NEGR1: variants seen among roughly 807,000 people sequenced by gnomAD.
The protein encoded by NEGR1 is neuronal growth regulator 1, also known as IgLON family member 4.
A neutral mutation model predicts 40.9 loss-of-function variants in NEGR1; 10 were observed. The observed-to-expected ratio is 0.24, with a 90% confidence interval of 0.15 to 0.42. The LOEUF (loss-of-function observed/expected upper bound fraction) is 0.42. Among genes scored for constraint, NEGR1 ranks in the 10% least tolerant of loss-of-function variants. NEGR1 has a pLI of 1.00. For missense variants in NEGR1, 352 were observed against 438.9 expected (o/e 0.80, Z 1.77); for synonymous variants, 185 against 166.8 (o/e 1.11, Z -0.84).
chr1:71,929,974 G>T (rs563088184), intron 2 of NEGR1, among the ~76,000 whole-genome samples: 1 of 152,012 alleles, frequency 6.6e-6, no homozygotes, highest in Non-Finnish European at 1.5e-5. Flanking sequence ...ATAATCATTG[G>T]TAAGTATAAC....
chr1:71,787,442 T>C (rs76539429), intron 2 of NEGR1, among the ~76,000 whole-genome samples: 3,013 of 152,274 alleles, frequency 0.02, 37 homozygotes, highest in Admixed American at 0.037. Flanking sequence ...TACATACATA[T>C]TGTGATTGAT....
intron 3 of NEGR1, among the ~76,000 whole-genome samples, chr1:71,761,198 G>A (rs764284659): frequency 2.0e-5 from 3 of 152,088 alleles, no homozygotes; most frequent in Non-Finnish European, 4.4e-5. Context: ...ATTTTTTAAA[G>A]GACCTGATGG....
chr1:71,745,991 C>A (rs968906208), intron 3 of NEGR1, among the ~76,000 whole-genome samples: 2 of 152,164 alleles, frequency 1.3e-5, no homozygotes, highest in African/African-American at 2.4e-5. Flanking sequence ...CTAAACAGAC[C>A]TTGCTGAGTT....
intron 2 of NEGR1, among the ~76,000 whole-genome samples, chr1:71,870,300 A>C (rs1268808233): frequency 6.6e-6 from 1 of 152,208 alleles, no homozygotes; most frequent in African/African-American, 2.4e-5. Context: ...AAGACCTGCT[A>C]CAAAAAGCTA....
At chr1:71,895,573 C>G (rs1660948822) in intron 2 of NEGR1, among the ~76,000 whole-genome samples, 1 of 139,326 alleles carries the variant, frequency 7.2e-6, no homozygotes, top group Non-Finnish European at 1.6e-5. Flanking sequence ...TGCCTGGCTT[C>G]TTTCACTTAG....
At chr1:72,170,394 G>C (rs1651918140) in intron 1 of NEGR1, among the ~76,000 whole-genome samples, 1 of 151,914 alleles carries the variant, frequency 6.6e-6, no homozygotes, top group Non-Finnish European at 1.5e-5. Flanking sequence ...TCCATTGTTT[G>C]TCTCCCTCAG....
At chr1:71,840,791 G>C (rs72931706) in intron 2 of NEGR1, among the ~76,000 whole-genome samples, 9,849 of 152,170 alleles carry the variant, frequency 0.065, 540 homozygotes, top group African/African-American at 0.14. Flanking sequence ...GTTTCTGTGA[G>C]AATGTTTTGA....
chr1:71,820,645 C>A (rs774689630), intron 2 of NEGR1, among the ~76,000 whole-genome samples: 2 of 151,872 alleles, frequency 1.3e-5, no homozygotes, highest in Non-Finnish European at 2.9e-5. Context: ...TCTCTCTTGT[C>A]CTCAAATGTA....
intron 4 of NEGR1, among the ~76,000 whole-genome samples, chr1:71,667,938 T>C (rs780452214): frequency 6.6e-6 from 1 of 152,246 alleles, no homozygotes; most frequent in Non-Finnish European, 1.5e-5. Flanking sequence ...ATTATAGGTA[T>C]TGTTAATACA....
chr1:71,647,452 A>G (rs1300823008), intron 4 of NEGR1, among the ~76,000 whole-genome samples: 2 of 151,912 alleles, frequency 1.3e-5, no homozygotes. Context: ...TTTTATTCAT[A>G]TTATTATTGG....
intron 1 of NEGR1, among the ~76,000 whole-genome samples, chr1:72,199,566 TAAATAA>T (rs1174092021): frequency 2.0e-5 from 3 of 151,944 alleles, no homozygotes; most frequent in Non-Finnish European, 4.4e-5. Flanking sequence ...TGATTGACAT[TAAATAA>T]GTCAATCTCT....
chr1:71,716,403 A>T (rs933990201), intron 3 of NEGR1, among the ~76,000 whole-genome samples: 3 of 152,068 alleles, frequency 2.0e-5, no homozygotes, highest in Non-Finnish European at 4.4e-5. Context: ...ATAAAATTGA[A>T]ATTTCAATTT....
chr1:71,784,303 TTC>T (rs1291515615), intron 2 of NEGR1, among the ~76,000 whole-genome samples: 1 of 152,110 alleles, frequency 6.6e-6, no homozygotes, highest in Non-Finnish European at 1.5e-5. Flanking sequence ...CTCCTTAAAA[TTC>T]TCTCTCCTAT....
chr1:72,183,821 T>C (rs1204561865), intron 1 of NEGR1, among the ~76,000 whole-genome samples: 1 of 152,114 alleles, frequency 6.6e-6, no homozygotes, highest in African/African-American at 2.4e-5. Flanking sequence ...CTGGAGGAGC[T>C]ATAAAAGATT....
Position 71,396,857 on chromosome 1 carries a change from G to C in NEGR1, c.*10589C>G, listed in dbSNP as rs1204138170. The stretch of plus-strand genomic sequence containing the variant: ...TCTTTTGTAAATTGCCCAGCCTCAG[G>C]TATGTCTTTATCAGCAGTGTGAAAA... On this transcript the variant is annotated 3_prime_UTR_variant, in exon 7 of 7. Transcript: ENST00000357731. 1 of 155,044 alleles carries C rather than the reference G, an allele frequency of 6.4e-6. No homozygotes were observed. Among genetic ancestry groups the C allele is most frequent in the South Asian group, 2.0e-4 (1 of 4,914 alleles). The allele number at this position is 155,044 out of a possible 1,614,324, so 9.6% of individuals were successfully genotyped here.
At chr1:72,003,604 G>T (rs534389934) in intron 1 of NEGR1, among the ~76,000 whole-genome samples, 1 of 140,160 alleles carries the variant, frequency 7.1e-6, no homozygotes. Flanking sequence ...CAGAAGATAG[G>T]ATTAAATTTT....
chr1:72,205,756 CAAAA>C (rs35490878), intron 1 of NEGR1, among the ~76,000 whole-genome samples: 1 of 30,886 alleles, frequency 3.2e-5, no homozygotes, highest in African/African-American at 1.1e-4. Context: ...CCCATTTCTA[CAAAA>C]AAAAAAAAAA....
intron 1 of NEGR1, among the ~76,000 whole-genome samples, chr1:72,029,283 C>G (rs1646837725): frequency 6.6e-6 from 1 of 151,944 alleles, no homozygotes; most frequent in African/African-American, 2.4e-5. Context: ...AGTTCAAGAT[C>G]AGCCTGGGCA....
At chr1:71,741,819 T>C (rs908909049) in intron 3 of NEGR1, among the ~76,000 whole-genome samples, 2 of 152,098 alleles carry the variant, frequency 1.3e-5, no homozygotes, top group Non-Finnish European at 2.9e-5. Context: ...TGAAGGAAGA[T>C]CAGACACTTT....
Sources: gnomAD v4.1 joint callset for allele counts (sites outside exome capture counted in the v4.1 genomes callset) on GRCh38, gnomAD v4.1.1 for gene constraint, MANE v1.5 for transcripts, NCBI Gene and HGNC (gene_info 2026-07-23, HGNC 2026-07-21) for gene names.